UNK: variants seen among roughly 807,000 people sequenced by gnomAD.
The protein encoded by UNK is RING finger protein unkempt homolog.
In UNK, 32 loss-of-function variants were observed where a neutral mutation model predicts 97.6. The ratio of observed to expected loss-of-function variants is 0.33; its 90% CI spans 0.25 to 0.44. The LOEUF (loss-of-function observed/expected upper bound fraction) is 0.44. Ranked by LOEUF, UNK falls within the 20% of genes least tolerant of loss-of-function variation. UNK has a pLI of 1.00. For missense variants in UNK, 771 were observed against 1,098.4 expected (o/e 0.70, Z 4.21); for synonymous variants, 441 against 461.2 (o/e 0.96, Z 0.56).
At chr17:75,822,440 C>T in intron 13 of UNK, 37 bp from the exon 14 acceptor site, 1 of 1,571,618 alleles carries the variant, frequency 6.4e-7, no homozygotes, top group Non-Finnish European at 8.6e-7. Flanking sequence ...GGGCCCAAAG[C>T]CCTCCGGAGC....
rs775185767 is a variant in UNK at position 75,818,185 on chromosome 17, C to T, written c.1371+17C>T. On this transcript the variant is annotated intron_variant, in intron 10 of 15. Coordinates refer to ENST00000589666, the MANE Select transcript of UNK (RefSeq NM_001080419.3). This position sits in a 1 kb window ranked among gnomAD's most constrained non-coding sequence, Gnocchi z 5.1. ...CCCAAACAGGTATAGAGCTCTCAGC[C>T]CCCTTCCTCCCCTCTGCTGTGGACA... The T allele has an allele frequency of 1.9e-6, 3 of 1,613,076 alleles. No homozygotes were observed. The highest frequency in any genetic ancestry group is 1.7e-6 in the Non-Finnish European group (2 of 1,179,568).
At chr17:75,821,271 C>A in intron 13 of UNK, 1 of 402,618 alleles carries the variant, frequency 2.5e-6, no homozygotes, top group Non-Finnish European at 5.1e-6. Flanking sequence ...CTTCCTGCAC[C>A]ATGTGACTAT....
At chr17:75,794,200 A>G (rs2061785806) in intron 1 of UNK, 1 of 963,136 alleles carries the variant, frequency 1.0e-6, no homozygotes, top group African/African-American at 1.8e-5. Context: ...TAAAGTGAAC[A>G]TTTCTGTTTT....
chr17:75,809,668 C>T, intron 1 of UNK, 92 bp from the exon 2 acceptor site: 1 of 1,354,908 alleles, frequency 7.4e-7, no homozygotes, highest in Non-Finnish European at 1.0e-6. Flanking sequence ...CAGAGCAGGG[C>T]CCTCAGGGGA....
At chr17:75,793,578 TAAAG>T (rs2061780585) in intron 1 of UNK, 1 of 985,212 alleles carries the variant, frequency 1.0e-6, no homozygotes, top group Non-Finnish European at 1.2e-6. Context: ...CTTTAGGACA[TAAAG>T]AAGATACTGA....
chr17:75,800,392 A>G (rs952412203), intron 1 of UNK, among the ~76,000 whole-genome samples: 1 of 149,738 alleles, frequency 6.7e-6, no homozygotes, highest in African/African-American at 2.4e-5. Context: ...TCAATGGTTG[A>G]AAAGATATTT....
At chr17:75,796,556 G>T (rs1434979593) in intron 1 of UNK, among the ~76,000 whole-genome samples, 6 of 152,068 alleles carry the variant, frequency 3.9e-5, no homozygotes, top group African/African-American at 7.2e-5. Flanking sequence ...GGAACTTCTG[G>T]CCTCAAGCAG....
Position 75,823,130 on chromosome 17 carries a change from C to T in UNK, c.2020-135C>T. On this transcript the variant is annotated intron_variant, in intron 14 of 15. Coordinates refer to ENST00000589666, the MANE Select transcript of UNK (RefSeq NM_001080419.3). Reference sequence around the variant, plus strand: ...TCTGTGCAGACAGCATCAGCCTCCTCCTTGCCCTCCTCCCAGAGAGCCAAC... The same window carrying T: ...TCTGTGCAGACAGCATCAGCCTCCTTCTTGCCCTCCTCCCAGAGAGCCAAC... The T allele has an allele frequency of 2.2e-6, 3 of 1,393,974 alleles. No individual in the cohort carries two copies. In the South Asian group the frequency reaches 4.6e-5, roughly 21 times the overall value. The allele number at this position is 1,393,974 out of a possible 1,614,324, so 86.4% of individuals were successfully genotyped here. A position where few individuals can be genotyped will look rare whatever the true frequency, so the allele number is the denominator to read the frequency against.
chr17:75,793,833 AC>A (rs1183183652), intron 1 of UNK: 1 of 985,284 alleles, frequency 1.0e-6, no homozygotes, highest in Admixed American at 6.2e-5. Context: ...TCACAAGTCT[AC>A]CCCCACATAA....
intron 15 of UNK, 48 bp downstream of exon 15, chr17:75,823,570 C>A: frequency 1.1e-5 from 17 of 1,484,576 alleles, no homozygotes; most frequent in Non-Finnish European, 1.4e-5. Context: ...GTGGCCTCAG[C>A]CAGCTCTTGG....
At chr17:75,807,519 G>A (rs1351312254) in intron 1 of UNK, among the ~76,000 whole-genome samples, 5 of 152,184 alleles carry the variant, frequency 3.3e-5, no homozygotes, top group African/African-American at 4.8e-5. Flanking sequence ...GCAATGGCAC[G>A]ATCTTGGCTC....
chr17:75,799,243 C>A (rs1209711885), intron 1 of UNK, among the ~76,000 whole-genome samples: 1 of 152,086 alleles, frequency 6.6e-6, no homozygotes, highest in Non-Finnish European at 1.5e-5. Flanking sequence ...GCCTGGGAGG[C>A]TGCAGTGACC....
At position 75,824,504 on chromosome 17, in the gene UNK, G is replaced by A. The variant is rs1451103133; in HGVS notation, c.*87G>A. 2.1e-5 allele frequency: 18 copies of A among 867,236 alleles called. 1 individual carries two copies. In the South Asian group the frequency reaches 2.8e-4, roughly 13 times the overall value. The allele number at this position is 867,236 out of a possible 1,614,324, so 53.7% of individuals were successfully genotyped here. A position where few individuals can be genotyped will look rare whatever the true frequency, so the allele number is the denominator to read the frequency against. On this transcript the variant is annotated 3_prime_UTR_variant, in exon 16 of 16. Coordinates refer to ENST00000589666, the MANE Select transcript of UNK (RefSeq NM_001080419.3). This position sits in a 1 kb window ranked among gnomAD's most constrained non-coding sequence, Gnocchi z 4.9. ...TATATATATGAATATATATATATAT[G>A]TGTATGTATGTATGTATATGTATAT...
intron 1 of UNK, among the ~76,000 whole-genome samples, chr17:75,805,939 AT>A (rs1413391231): frequency 8.6e-5 from 13 of 151,936 alleles, no homozygotes; most frequent in Non-Finnish European, 1.8e-4. Flanking sequence ...GCAAATTGTT[AT>A]CCCCTCAAAA....
rs529828269 is a variant in UNK at position 75,814,025 on chromosome 17, G to A, written c.876+147G>A. On this transcript the variant is annotated intron_variant, in intron 6 of 15. Coordinates refer to ENST00000589666, the MANE Select transcript of UNK (RefSeq NM_001080419.3). ...CAGCTCTCCCCTGGCAGTGCCTAGA[G>A]GATCCCTGCATGCTGAATTTGGCAT... 783 of 695,632 alleles carry A rather than the reference G, an allele frequency of 1.1e-3. 2 individuals are homozygous for A. The highest frequency in any genetic ancestry group is 1.7e-3 in the Non-Finnish European group (730 of 426,876). 43.1% of individuals were successfully genotyped at this position (695,632 alleles called of 1,614,324 possible).
intron 1 of UNK, among the ~76,000 whole-genome samples, chr17:75,801,248 TA>T (rs2061855093): frequency 6.6e-6 from 1 of 152,128 alleles, no homozygotes; most frequent in Admixed American, 6.6e-5. Flanking sequence ...GCATACCTCT[TA>T]TGTCAAAAGA....
At chr17:75,803,204 G>A (rs538222652) in intron 1 of UNK, among the ~76,000 whole-genome samples, 4 of 135,110 alleles carry the variant, frequency 3.0e-5, no homozygotes, top group Middle Eastern at 3.6e-3. Context: ...CAAGACCATC[G>A]ATCTCCCAAC....
intron 1 of UNK, among the ~76,000 whole-genome samples, chr17:75,806,940 A>G (rs2061923929): frequency 6.6e-6 from 1 of 152,208 alleles, no homozygotes; most frequent in African/African-American, 2.4e-5. Flanking sequence ...GAGGCTTAAC[A>G]TGGAATCTGT....
In UNK at chr17:75,818,442, A is replaced by G. The variant is rs2062036211; in HGVS notation, c.1372-200A>G. Among the ~76,000 whole-genome samples, 1 of 152,132 alleles carries G rather than the reference A, an allele frequency of 6.6e-6. No homozygotes were observed. Among genetic ancestry groups the G allele is most frequent in the Non-Finnish European group, 1.5e-5 (1 of 68,008 alleles). On this transcript the variant is annotated intron_variant, in intron 10 of 15. Transcript: ENST00000589666. The surrounding 1 kb of genome is among the most constrained non-coding windows in gnomAD (Gnocchi z 5.1). ...CCCTGCTACAGGACTGTAGGGGCGA[A>G]TGGGCCTGGCAGCCTCCGCACCTCC...
Sources: allele counts gnomAD v4.1 joint callset (sites outside exome capture counted in the v4.1 genomes callset), GRCh38; gene constraint gnomAD v4.1.1; non-coding constraint Gnocchi (gnomAD v3.1); transcripts MANE v1.5; gene names NCBI Gene and HGNC (gene_info 2026-07-23, HGNC 2026-07-21).